The following ERLEC1 variants were observed in gnomAD, a reference collection of about 807,000 sequenced individuals.
The protein encoded by ERLEC1 is ER lectin.
A neutral mutation model predicts 68.0 loss-of-function variants in ERLEC1; 47 were observed. The observed-to-expected ratio is 0.69, with a 90% CI of 0.55 to 0.88. The LOEUF is 0.88. Among genes scored for constraint, ERLEC1 ranks in the 40% least tolerant of loss-of-function variants. ERLEC1 has a pLI of 0.00. For synonymous variants in ERLEC1, 225 were observed against 203.2 expected (o/e 1.11, Z -0.91); for missense variants, 567 against 583.8 (o/e 0.97, Z 0.30).
chr2:53,796,105 G>A, intron 3 of ERLEC1, 92 bp downstream of exon 3: 2 of 882,196 alleles, frequency 2.3e-6, no homozygotes, highest in Non-Finnish European at 1.7e-6. Context: ...ATTATGTTGT[G>A]TCAGGTTTTT....
chr2:53,813,131 A>T (rs1676682367), intron 11 of ERLEC1, 58 bp downstream of exon 11: 1 of 1,565,436 alleles, frequency 6.4e-7, no homozygotes, highest in Non-Finnish European at 8.6e-7. Context: ...AAAACTCAAA[A>T]TATTGAAAAA....
chr2:53,814,277 T>C, intron 11 of ERLEC1, among the ~76,000 whole-genome samples: 1 of 152,326 alleles, frequency 6.6e-6, no homozygotes, highest in Middle Eastern at 3.4e-3. Context: ...ACCAAAATTA[T>C]TTGTATACAA....
In ERLEC1 at chr2:53,808,477, C is replaced by T. The variant is rs777545721; in HGVS notation, c.1041+17C>T. 6.2e-7 allele frequency: 1 copy of T among 1,611,112 alleles called. No individual in the cohort carries two copies. Among genetic ancestry groups the T allele is most frequent in the South Asian group, 1.1e-5 (1 of 90,744 alleles). ...TTTCGTGGGGTGAGAAGTAAATCTT[C>T]AGTTTAAATATTTATTTTACAACTT... On this transcript the variant is annotated intron_variant, in intron 9 of 13. Coordinates refer to ENST00000185150, the MANE Select transcript of ERLEC1 (RefSeq NM_015701.5).
intron 8 of ERLEC1, among the ~76,000 whole-genome samples, chr2:53,807,528 C>A (rs755815432): frequency 5.9e-5 from 9 of 152,154 alleles, no homozygotes; most frequent in Non-Finnish European, 1.5e-5. Flanking sequence ...GCCTCAACCT[C>A]CCGAGTAGCT....
intron 1 of ERLEC1, chr2:53,787,584 A>C (rs1385802754): frequency 8.6e-6 from 4 of 465,716 alleles, no homozygotes; most frequent in Non-Finnish European, 7.4e-6. Context: ...GGGATCCAGC[A>C]ATCACCTGCT....
chr2:53,790,252 C>T (rs1034506723), intron 1 of ERLEC1, among the ~76,000 whole-genome samples: 4 of 113,884 alleles, frequency 3.5e-5, no homozygotes, highest in Admixed American at 8.3e-5. Flanking sequence ...CGCTACCACA[C>T]CTGGCTAATT....
intron 8 of ERLEC1, among the ~76,000 whole-genome samples, chr2:53,802,147 A>G (rs1676040694): frequency 6.6e-6 from 1 of 152,126 alleles, no homozygotes; most frequent in South Asian, 2.1e-4. Flanking sequence ...CTAAAACCCT[A>G]TCTCTGTCTC....
At chr2:53,813,640 G>A (rs1003418266) in intron 11 of ERLEC1, among the ~76,000 whole-genome samples, 1 of 152,152 alleles carries the variant, frequency 6.6e-6, no homozygotes, top group Admixed American at 6.5e-5. Context: ...TTTTCTTGCA[G>A]ACTCTTAACT....
rs1253494906 is a variant in ERLEC1, at chr2:53,813,066, ACAGT to A, written c.1223_1226del (p.Val408GlyfsTer15). On this transcript the variant is annotated frameshift_variant, in exon 11 of 14. Coordinates refer to ENST00000185150, the MANE Select transcript of ERLEC1 (RefSeq NM_015701.5). LOFTEE classifies it high-confidence loss of function. The stretch of plus-strand genomic sequence containing the variant: ...TCATCTTCAAGACGATGGTACCCAG[ACAGT>A]CAGGTAAAGATTCACTTTACTTGCC... 1.2e-6 allele frequency: 2 copies of A among 1,609,850 alleles called. No individual in the cohort carries two copies. Among genetic ancestry groups the A allele is most frequent in the South Asian group, 1.1e-5 (1 of 89,644 alleles).
chr2:53,800,087 G>T (rs1041047182), intron 6 of ERLEC1, among the ~76,000 whole-genome samples: 1 of 152,078 alleles, frequency 6.6e-6, no homozygotes, highest in East Asian at 1.9e-4. Context: ...GTCATGAATC[G>T]CTTAGCAGTG....
chr2:53,800,063 C>T (rs944040464), intron 6 of ERLEC1, among the ~76,000 whole-genome samples: 1 of 152,122 alleles, frequency 6.6e-6, no homozygotes, highest in Admixed American at 6.6e-5. Context: ...CTCCCAAAAA[C>T]CTTTTAATAC....
chr2:53,793,407 T>C (rs181538488), intron 1 of ERLEC1, among the ~76,000 whole-genome samples: 25 of 152,338 alleles, frequency 1.6e-4, no homozygotes, highest in African/African-American at 6.0e-4. Context: ...CACATATTTT[T>C]ATAAATAAGG....
chr2:53,797,926 G>A (rs1192982626), intron 5 of ERLEC1, 131 bp downstream of exon 5: 3 of 806,996 alleles, frequency 3.7e-6, no homozygotes, highest in Non-Finnish European at 6.1e-6. Context: ...GCTGGGCGCG[G>A]TGGCTGACGC....
At chr2:53,793,067 G>A (rs1675496784) in intron 1 of ERLEC1, among the ~76,000 whole-genome samples, 1 of 151,996 alleles carries the variant, frequency 6.6e-6, no homozygotes. Flanking sequence ...ATAAGAAGAG[G>A]TTCTCCTTGC....
intron 1 of ERLEC1, among the ~76,000 whole-genome samples, chr2:53,791,974 AGGTCTCAGCTCTCTGCAAGCTCCGCCTCC>A (rs1675422629): frequency 6.8e-6 from 1 of 146,568 alleles, no homozygotes; most frequent in Admixed American, 6.8e-5. Context: ...TGCAGTGGCG[AGGTCTCAGCTCTCTGCAAGCTCCGCCTCC>A]CGGGTTCACG....
intron 13 of ERLEC1, among the ~76,000 whole-genome samples, chr2:53,816,941 G>T (rs1437854659): frequency 6.6e-6 from 1 of 152,000 alleles, no homozygotes; most frequent in Non-Finnish European, 1.5e-5. Context: ...GTATAAAATT[G>T]TTCCAGAATC....
intron 11 of ERLEC1, among the ~76,000 whole-genome samples, chr2:53,813,667 ATTCCTTCTTG>A (rs1202149729): frequency 1.3e-5 from 2 of 152,130 alleles, no homozygotes. Flanking sequence ...GTTTTCAATT[ATTCCTTCTTG>A]TTCCTTCTTG....
At chr2:53,798,873 C>A (rs1675857920) in intron 5 of ERLEC1, among the ~76,000 whole-genome samples, 174 bp from the exon 6 acceptor site, 1 of 151,888 alleles carries the variant, frequency 6.6e-6, no homozygotes, top group South Asian at 2.1e-4. Context: ...ATATGACTTC[C>A]TTTCATACAA....
intron 6 of ERLEC1, 84 bp downstream of exon 6, chr2:53,799,165 ATCTT>A: frequency 1.7e-6 from 2 of 1,146,072 alleles, no homozygotes; most frequent in Non-Finnish European, 2.6e-6. Flanking sequence ...GACAGAATAT[ATCTT>A]TATGTTCTTA....
Sources: allele counts gnomAD v4.1 joint callset (sites outside exome capture counted in the v4.1 genomes callset), GRCh38; gene constraint gnomAD v4.1.1; transcripts MANE v1.5; gene names NCBI Gene and HGNC (gene_info 2026-07-23, HGNC 2026-07-21).